Variants in NR3C2 observed in about 807,000 individuals in gnomAD.
NR3C2 encodes mineralocorticoid receptor.
In NR3C2, 15 loss-of-function variants were observed where a neutral mutation model predicts 86.4. The observed-to-expected ratio is 0.17, with a 90% CI of 0.12 to 0.27. NR3C2 has a LOEUF of 0.27. Ranked by LOEUF, NR3C2 falls within the 10% of genes least tolerant of loss-of-function variation. The probability of loss-of-function intolerance (pLI) is 1.00; values close to 1 mark genes in which losing one functional copy is unlikely to be tolerated. For missense variants in NR3C2, 960 were observed against 1,195.6 expected, an observed-to-expected ratio of 0.80 and a Z score of 2.91; for synonymous variants, 458 against 450.5, an observed-to-expected ratio of 1.02 and a Z score of -0.21.
At chr4:148,160,859 C>T (rs1167793416) in intron 4 of NR3C2, among the ~76,000 whole-genome samples, 1 of 152,146 alleles carries the variant, frequency 6.6e-6, no homozygotes, top group Admixed American at 6.5e-5. Flanking sequence ...CGAATTTCAG[C>T]CCAATAACCC....
intron 2 of NR3C2, among the ~76,000 whole-genome samples, chr4:148,413,414 A>G (rs748468914): frequency 7.2e-5 from 11 of 152,156 alleles, no homozygotes; most frequent in Admixed American, 1.3e-4. Flanking sequence ...AAATGCCTTC[A>G]TGAACTTAGA....
intron 2 of NR3C2, among the ~76,000 whole-genome samples, chr4:148,419,204 A>G (rs1012145736): frequency 6.6e-6 from 1 of 152,090 alleles, no homozygotes; most frequent in Non-Finnish European, 1.5e-5. Flanking sequence ...AAACAACTCA[A>G]ATTGCATTTT....
At chr4:148,153,100 C>G (rs1734179240) in intron 5 of NR3C2, among the ~76,000 whole-genome samples, 1 of 152,174 alleles carries the variant, frequency 6.6e-6, no homozygotes. Context: ...TAATACCAGA[C>G]TTTGATAAAG....
chr4:148,353,464 T>C (rs540805398), intron 2 of NR3C2, among the ~76,000 whole-genome samples: 6 of 152,118 alleles, frequency 3.9e-5, no homozygotes, highest in Non-Finnish European at 8.8e-5. Flanking sequence ...CACACATATA[T>C]ACATTTTCTA....
At chr4:148,118,781 C>CCTCTCTG (rs1423239293) in intron 7 of NR3C2, among the ~76,000 whole-genome samples, 1 of 152,200 alleles carries the variant, frequency 6.6e-6, no homozygotes, top group African/African-American at 2.4e-5. Flanking sequence ...GCGCTCAAAA[C>CCTCTCTG]CTGTGTCACT....
intron 3 of NR3C2, among the ~76,000 whole-genome samples, chr4:148,241,881 GTTAT>G (rs1049386559): frequency 6.6e-5 from 10 of 152,148 alleles, no homozygotes; most frequent in African/African-American, 2.2e-4. Context: ...ATTGTAGGGA[GTTAT>G]TTTTCATCAT....
At position 148,081,486 on chromosome 4, in the gene NR3C2, A is replaced by C; in HGVS notation, c.2813T>G (p.Leu938Arg). Reference protein sequence around the residue: ...LDSMHDLVSDLLEFCFYTFRE... With the variant: ...LDSMHDLVSDRLEFCFYTFRE... The stretch of plus-strand genomic sequence containing the variant: ...GAAGGTGTAGAAGCAGAATTCCAGC[A>C]GGTCGCTCACCAGCTGTAACACAGA... The change falls in exon 9 of 9, where the codon CTG becomes CGG. Residue 938 changes from leucine (L) to arginine (R), a missense_variant. Leu to Arg is a moderately radical substitution (Grantham distance 102, BLOSUM62 -2). Coordinates refer to ENST00000358102, the MANE Select transcript of NR3C2 (RefSeq NM_000901.5). The C allele has an allele frequency of 6.2e-7, 1 of 1,614,014 alleles. No individual in the cohort carries two copies. Among genetic ancestry groups the C allele is most frequent in the Non-Finnish European group, 8.5e-7 (1 of 1,179,924 alleles).
At chr4:148,200,049 A>T (rs1179785622) in intron 3 of NR3C2, among the ~76,000 whole-genome samples, 3 of 152,260 alleles carry the variant, frequency 2.0e-5, no homozygotes, top group African/African-American at 7.2e-5. Context: ...GAAAGGACAG[A>T]TGTACAGGTG....
chr4:148,419,100 T>TA lies in NR3C2; in HGVS notation c.1757+16003_1757+16004insT, dbSNP rs1335878445. ...CTATTTCACGGTTGTTTTTCCTTTT[T>TA]TTTTTTCTTTTTGTCTGGCTAGCCA... On this transcript the variant is annotated intron_variant, in intron 2 of 8. Transcript: ENST00000358102. 3.9e-5 allele frequency among the ~76,000 whole-genome samples: 6 copies of TA among 152,096 alleles called. No individual in the cohort carries two copies. The South Asian group carries it at 6.2e-4, about 16-fold the overall frequency.
At chr4:148,381,570 G>A (rs1463186984) in intron 2 of NR3C2, among the ~76,000 whole-genome samples, 1 of 152,076 alleles carries the variant, frequency 6.6e-6, no homozygotes, top group Non-Finnish European at 1.5e-5. Context: ...CACCCATGAC[G>A]AACAAGACAT....
At chr4:148,379,843 T>C (rs1746873909) in intron 2 of NR3C2, among the ~76,000 whole-genome samples, 1 of 147,016 alleles carries the variant, frequency 6.8e-6, no homozygotes, top group African/African-American at 2.7e-5. Flanking sequence ...GATGCTCACT[T>C]ATTAAGTCCA....
intron 3 of NR3C2, among the ~76,000 whole-genome samples, chr4:148,227,822 T>C (rs1738252327): frequency 6.6e-6 from 1 of 152,202 alleles, no homozygotes; most frequent in African/African-American, 2.4e-5. Context: ...CCTTTTGAAA[T>C]ACCTCCATCC....
At chr4:148,114,080 G>T in intron 8 of NR3C2, 24 bp downstream of exon 8, 1 of 1,611,748 alleles carries the variant, frequency 6.2e-7, no homozygotes, top group East Asian at 2.2e-5. Context: ...CTTCACTTAG[G>T]AACCAAGGAG....
chr4:148,407,692 C>A (rs35190729), intron 2 of NR3C2, among the ~76,000 whole-genome samples: 151,372 of 152,304 alleles, frequency 0.99, 75,232 homozygotes, highest in East Asian at 1. Flanking sequence ...AGAGGCCCCC[C>A]CTTCATTAGG....
chr4:148,434,622 G>A (rs1383160869), intron 2 of NR3C2, among the ~76,000 whole-genome samples: 1 of 152,022 alleles, frequency 6.6e-6, no homozygotes, highest in African/African-American at 2.4e-5. Context: ...GAAGCCTGTG[G>A]GTAACAGATA....
intron 6 of NR3C2, among the ~76,000 whole-genome samples, chr4:148,135,247 T>C (rs905113046): frequency 6.6e-6 from 1 of 152,174 alleles, no homozygotes; most frequent in African/African-American, 2.4e-5. Flanking sequence ...GCTCCACTTC[T>C]CAATCACCCG....
chr4:148,198,925 A>G (rs1736575757), intron 3 of NR3C2, among the ~76,000 whole-genome samples: 1 of 151,622 alleles, frequency 6.6e-6, no homozygotes, highest in Non-Finnish European at 1.5e-5. Context: ...CTAAAAATAT[A>G]AAAAATTAGC....
chr4:148,266,909 C>T (rs554504937), intron 2 of NR3C2, among the ~76,000 whole-genome samples: 11 of 152,274 alleles, frequency 7.2e-5, no homozygotes, highest in African/African-American at 2.4e-4. Context: ...TGCAGAAATA[C>T]TGGATGGCGA....
Position 148,246,578 on chromosome 4 carries a change from C to T in NR3C2, c.1897+13400G>A, listed in dbSNP as rs192649512. ...TTTATTTTATTTTTTTGAAATGGAGCGTCGCTCTTGTTGCCCAGGCTGGAG... is the reference window on the plus strand; with the variant it reads ...TTTATTTTATTTTTTTGAAATGGAGTGTCGCTCTTGTTGCCCAGGCTGGAG... On this transcript the variant is annotated intron_variant, in intron 3 of 8. Coordinates refer to ENST00000358102, the MANE Select transcript of NR3C2 (RefSeq NM_000901.5). Among the ~76,000 whole-genome samples, 204 of 152,088 alleles carry T rather than the reference C, an allele frequency of 1.3e-3. 1 individual carries two copies. Among genetic ancestry groups the T allele is most frequent in the East Asian group, 9.8e-3 (51 of 5,182 alleles).
Sources: gnomAD v4.1 joint callset for allele counts (sites outside exome capture counted in the v4.1 genomes callset) on GRCh38, gnomAD v4.1.1 for gene constraint, MANE v1.5 for transcripts, NCBI Gene and HGNC (gene_info 2026-07-23, HGNC 2026-07-21) for gene names.